Variants in DSCAML1 observed in about 807,000 individuals in gnomAD.
The protein encoded by DSCAML1 is DS cell adhesion molecule like 1, also known as cell adhesion molecule DSCAML1.
In DSCAML1, 38 loss-of-function variants were observed where a neutral mutation model predicts 200.5. That is an observed-to-expected ratio of 0.19 (90% CI 0.15 to 0.25). The LOEUF (loss-of-function observed/expected upper bound fraction) is 0.25, where lower values mean the gene tolerates loss of function less well. Among genes scored for constraint, DSCAML1 ranks in the 10% least tolerant of loss-of-function variants. DSCAML1 has a pLI of 1.00. For synonymous variants in DSCAML1, 1,215 were observed against 1,165.0 expected (o/e 1.04, Z -0.87); for missense variants, 2,223 against 2,858.8 (o/e 0.78, Z 5.07).
At chr11:117,537,513 T>C (rs925321688) in intron 3 of DSCAML1, among the ~76,000 whole-genome samples, 7 of 152,152 alleles carry the variant, frequency 4.6e-5, no homozygotes, top group African/African-American at 1.7e-4. Context: ...GAGTCCAGGC[T>C]CTGCCACTCA....
intron 3 of DSCAML1, among the ~76,000 whole-genome samples, chr11:117,601,261 G>C (rs2047315280): frequency 6.6e-6 from 1 of 151,692 alleles, no homozygotes; most frequent in Non-Finnish European, 1.5e-5. Flanking sequence ...GAAACAGAGA[G>C]ACAAAAAGAC....
At chr11:117,569,699 T>C (rs2050814427) in intron 3 of DSCAML1, among the ~76,000 whole-genome samples, 1 of 152,210 alleles carries the variant, frequency 6.6e-6, no homozygotes, top group Non-Finnish European at 1.5e-5. Context: ...TGACATTCCG[T>C]TTCCCAGACC....
intron 3 of DSCAML1, among the ~76,000 whole-genome samples, chr11:117,735,400 C>T (rs964480398): frequency 9.2e-5 from 14 of 152,154 alleles, no homozygotes; most frequent in Non-Finnish European, 1.8e-4. Context: ...AAAACTAAAG[C>T]GTGGAGAAGA....
intron 11 of DSCAML1, among the ~76,000 whole-genome samples, chr11:117,497,825 G>A (rs2049320978): frequency 1.3e-5 from 2 of 152,170 alleles, no homozygotes; most frequent in Non-Finnish European, 2.9e-5. Context: ...GCAGGGCCAA[G>A]CACCAGGCCC....
intron 3 of DSCAML1, among the ~76,000 whole-genome samples, chr11:117,705,971 G>T (rs1230086933): frequency 6.6e-6 from 1 of 152,218 alleles, no homozygotes; most frequent in Non-Finnish European, 1.5e-5. Context: ...TCAGCTTTTG[G>T]TAGTGAACAT....
At chr11:117,604,554 C>T (rs944798689) in intron 3 of DSCAML1, among the ~76,000 whole-genome samples, 9 of 152,172 alleles carry the variant, frequency 5.9e-5, no homozygotes, top group Admixed American at 3.3e-4. Context: ...CTCTCTCGGC[C>T]GGCAGAGCTG....
intron 3 of DSCAML1, among the ~76,000 whole-genome samples, chr11:117,757,561 A>G (rs192937469): frequency 1.9e-3 from 263 of 138,696 alleles, no homozygotes; most frequent in African/African-American, 5.1e-3. Flanking sequence ...TTTTTAACCA[A>G]TTAGGAGCCT....
At chr11:117,442,297 A>G (rs62640108) in intron 21 of DSCAML1, among the ~76,000 whole-genome samples, 2 of 145,276 alleles carry the variant, frequency 1.4e-5, no homozygotes, top group African/African-American at 5.2e-5. Context: ...ATGTGTGTAT[A>G]TGTGTGCATA....
chr11:117,532,511 A>C lies in DSCAML1; in HGVS notation c.523T>G (p.Phe175Val). 1 of 1,613,756 alleles carries C rather than the reference A, an allele frequency of 6.2e-7. No individual in the cohort carries two copies. The highest frequency in any genetic ancestry group is 1.1e-5 in the South Asian group (1 of 90,966). ...TACAGCCCGCCGTGGTAGGTAATAA[A>C]AAACCTGTGTTCTGGAGACACAATC... The part of the protein sequence containing the change: ...TVSIIPEHRF[F>V]ITYHGGLYIS... Residue 175 changes from phenylalanine to valine, a missense_variant, in exon 4 of 33, where the codon TTT becomes GTT. Physicochemically the swap from Phe to Val is conservative, Grantham distance 50 (BLOSUM62 -1). Coordinates refer to ENST00000651296, the MANE Select transcript of DSCAML1 (RefSeq NM_020693.4).
chr11:117,781,852 C>T (rs1183726224), intron 1 of DSCAML1, among the ~76,000 whole-genome samples: 3 of 152,226 alleles, frequency 2.0e-5, no homozygotes, highest in Non-Finnish European at 2.9e-5. Context: ...CCACCTGACT[C>T]GGAGGACTGG....
At chr11:117,467,639 T>G (rs2137168458) in intron 16 of DSCAML1, among the ~76,000 whole-genome samples, 1 of 151,230 alleles carries the variant, frequency 6.6e-6, no homozygotes, top group South Asian at 2.1e-4. Context: ...GTGTGTGTGT[T>G]TAATTGACTT....
chr11:117,545,234 A>ACACACAC (rs1203052678), intron 3 of DSCAML1, among the ~76,000 whole-genome samples: 9 of 143,404 alleles, frequency 6.3e-5, no homozygotes, highest in African/African-American at 2.5e-4. Context: ...CGTAAAAAAA[A>ACACACAC]ACACACACAC....
chr11:117,726,518 G>A lies in DSCAML1; in HGVS notation c.511+50273C>T, dbSNP rs146622833. Among the ~76,000 whole-genome samples, 304 of 152,242 alleles carry A rather than the reference G, an allele frequency of 2.0e-3. 2 individuals are homozygous for A. Among genetic ancestry groups the A allele is most frequent in the Admixed American group, 0.015 (223 of 15,286 alleles). ...TAAGCAAAGGGCCCTTCAGGATGCT[G>A]TCTCTGTTTGGAAAGGCTGCCCTAC... On this transcript the variant is annotated intron_variant, in intron 3 of 32. Transcript: ENST00000651296.
chr11:117,668,483 T>C (rs890084282), intron 3 of DSCAML1: 39 of 152,170 alleles, frequency 2.6e-4, no homozygotes, highest in African/African-American at 8.7e-4. Context: ...AGTGTGCCCA[T>C]TGGTTGTTTT....
rs1015292667 is a variant in DSCAML1 at position 117,503,714 on chromosome 11, C to A, written c.2359+131G>T. On this transcript the variant is annotated intron_variant, in intron 11 of 32. Transcript: ENST00000651296. The surrounding 1 kb of genome is among the most constrained non-coding windows in gnomAD (Gnocchi z 5.2). Reference sequence around the variant, plus strand: ...ATCCAAGGGTCCCAAGGCCACCTCTCACTAGGAAGCCTTCCTGCCTCCCCT... The same window carrying A: ...ATCCAAGGGTCCCAAGGCCACCTCTAACTAGGAAGCCTTCCTGCCTCCCCT... 5.5e-6 allele frequency: 6 copies of A among 1,096,694 alleles called. No homozygotes were observed. The Admixed American group carries it at 1.1e-4, about 20-fold the overall frequency. 67.9% of individuals were successfully genotyped at this position (1,096,694 alleles called of 1,614,324 possible).
chr11:117,777,321 T>C (rs2055144394), intron 2 of DSCAML1, among the ~76,000 whole-genome samples: 1 of 152,190 alleles, frequency 6.6e-6, no homozygotes, highest in Non-Finnish European at 1.5e-5. Flanking sequence ...GATGTGCAGG[T>C]AATAAGGAAA....
chr11:117,746,753 C>T (rs1227848600), intron 3 of DSCAML1, among the ~76,000 whole-genome samples: 1 of 152,162 alleles, frequency 6.6e-6, no homozygotes, highest in Non-Finnish European at 1.5e-5. Flanking sequence ...TGTTACTCCT[C>T]CAGGCCTTTG....
upstream of DSCAML1, among the ~76,000 whole-genome samples, chr11:117,799,562 T>A (rs2055638004): frequency 6.6e-6 from 1 of 152,188 alleles, no homozygotes; most frequent in African/African-American, 2.4e-5. Context: ...GGAGGAGACA[T>A]ATACGTGGAA....
intron 3 of DSCAML1, among the ~76,000 whole-genome samples, chr11:117,740,226 A>G (rs941679294): frequency 6.6e-6 from 1 of 152,070 alleles, no homozygotes; most frequent in Non-Finnish European, 1.5e-5. Flanking sequence ...GAAAAAAAGT[A>G]CTCTATTAAG....
Sources: gnomAD v4.1 joint callset for allele counts (sites outside exome capture counted in the v4.1 genomes callset) on GRCh38, gnomAD v4.1.1 for gene constraint, Gnocchi (gnomAD v3.1) non-coding constraint, MANE v1.5 for transcripts, NCBI Gene and HGNC (gene_info 2026-07-23, HGNC 2026-07-21) for gene names.